Variants in ANO4 observed in about 807,000 individuals in gnomAD.
ANO4 encodes the protein anoctamin 4.
A neutral mutation model predicts 141.9 loss-of-function variants in ANO4; 69 were observed. The ratio of observed to expected loss-of-function variants is 0.49; its 90% CI spans 0.40 to 0.59. ANO4 has a LOEUF of 0.59. Ranked by LOEUF, ANO4 falls within the 20% of genes least tolerant of loss-of-function variation. ANO4 has a pLI of 0.00. For missense variants in ANO4, 894 were observed against 1,162.2 expected (o/e 0.77, Z 3.36); for synonymous variants, 350 against 394.3 (o/e 0.89, Z 1.33).
At chr12:100,912,361 C>T (rs7954389) in intron 2 of ANO4, among the ~76,000 whole-genome samples, 32,454 of 142,752 alleles carry the variant, frequency 0.23, 4,305 homozygotes, top group Middle Eastern at 0.41. Flanking sequence ...TGCCACTGCA[C>T]TCCAGCCCAG....
chr12:101,039,931 C>G (rs1273134457), intron 10 of ANO4, 24 bp from the exon 11 acceptor site: 2 of 1,603,572 alleles, frequency 1.2e-6, no homozygotes, highest in Non-Finnish European at 1.7e-6. Context: ...TACTACCTCA[C>G]TGGCAGTGGT....
chr12:100,729,359 T>TTAAAAA, intron 1 of ANO4, among the ~76,000 whole-genome samples: 1 of 5,598 alleles, frequency 1.8e-4, no homozygotes, highest in Non-Finnish European at 4.0e-4. Context: ...AAACTCTGTC[T>TTAAAAA]CAAAAAAAAA....
intron 9 of ANO4, among the ~76,000 whole-genome samples, chr12:101,024,718 G>A (rs2046665167): frequency 6.6e-6 from 1 of 152,118 alleles, no homozygotes; most frequent in African/African-American, 2.4e-5. Flanking sequence ...GAGACTCCAG[G>A]GAATCAAAGC....
intron 15 of ANO4, among the ~76,000 whole-genome samples, chr12:101,081,401 C>T (rs938259489): frequency 3.3e-5 from 5 of 152,112 alleles, no homozygotes; most frequent in African/African-American, 4.8e-5. Context: ...TTCTGGGGAA[C>T]GTATGTATCC....
intron 22 of ANO4, among the ~76,000 whole-genome samples, chr12:101,100,909 C>G (rs2050162441): frequency 6.6e-6 from 1 of 152,116 alleles, no homozygotes; most frequent in Admixed American, 6.5e-5. Context: ...CAAATGTAAC[C>G]AAATATATGT....
intron 21 of ANO4, among the ~76,000 whole-genome samples, chr12:101,098,843 T>C (rs7295262): frequency 0.51 from 77,321 of 151,992 alleles, 22,223 homozygotes; most frequent in African/African-American, 0.8. Context: ...TGATGTTCAT[T>C]CCTTTATTTG....
intron 3 of ANO4, among the ~76,000 whole-genome samples, chr12:100,756,420 G>A (rs2032614775): frequency 6.6e-6 from 1 of 152,080 alleles, no homozygotes; most frequent in African/African-American, 2.4e-5. Flanking sequence ...TATGATCTCG[G>A]CTCACTGCAA....
chr12:100,950,210 G>A (rs1284476036), intron 5 of ANO4, among the ~76,000 whole-genome samples: 1 of 151,932 alleles, frequency 6.6e-6, no homozygotes, highest in Non-Finnish European at 1.5e-5. Flanking sequence ...TGTCCTCTAG[G>A]GCTTTCTGGT....
rs2048704577 is a variant in ANO4 at position 101,068,954 on chromosome 12, G to A, written c.1313-10239G>A. The A allele has an allele frequency of 1.3e-5, 10 of 785,052 alleles. No individual in the cohort carries two copies. In the South Asian group the frequency reaches 1.3e-4, roughly 11 times the overall value. 48.6% of individuals were successfully genotyped at this position (785,052 alleles called of 1,614,324 possible). A position where few individuals can be genotyped will look rare whatever the true frequency, so the allele number is the denominator to read the frequency against. ...GCTGCTAAGGATCTCTTACACAGAT[G>A]CACCAAAGCCCTCATTGACTATGAA... On this transcript the variant is annotated intron_variant, in intron 14 of 27. Coordinates refer to ENST00000392977, the MANE Select transcript of ANO4 (RefSeq NM_001286615.2).
chr12:101,043,424 T>A, intron 12 of ANO4, 115 bp from the exon 13 acceptor site: 1 of 714,890 alleles, frequency 1.4e-6, no homozygotes, highest in Admixed American at 2.4e-5. Flanking sequence ...CTAAGATGCT[T>A]CTAAGGGCAA....
rs781593105 is a variant in ANO4 at position 101,096,643 on chromosome 12, G to A, written c.1846G>A (p.Gly616Arg). 8.7e-6 allele frequency: 14 copies of A among 1,612,228 alleles called. No homozygotes were observed. Among genetic ancestry groups the A allele is most frequent in the African/African-American group, 1.3e-5 (1 of 74,892 alleles). The part of the protein sequence containing the change: ...SSTFYIAFFL[G>R]RFTGHPGAYL... ...CACATTTTACATCGCATTCTTCCTCGGAAGGTAAGAACCTGACCCCTGCAC... is the reference window on the plus strand; with the variant it reads ...CACATTTTACATCGCATTCTTCCTCAGAAGGTAAGAACCTGACCCCTGCAC... The change falls in exon 19 of 28, where the codon GGA (glycine) becomes AGA (arginine). Residue 616 changes from glycine (G) to arginine (R), a missense_variant. Transcript: ENST00000392977.
At chr12:101,002,238 GCA>G (rs1427374666) in intron 8 of ANO4, among the ~76,000 whole-genome samples, 1 of 152,186 alleles carries the variant, frequency 6.6e-6, no homozygotes, top group Non-Finnish European at 1.5e-5. Context: ...CAGTACCTGT[GCA>G]CAGTTAGAAG....
At chr12:101,073,566 T>TATAATAATA (rs55723203) in intron 14 of ANO4, among the ~76,000 whole-genome samples, 13,966 of 143,492 alleles carry the variant, frequency 0.097, 743 homozygotes, top group African/African-American at 0.13. Context: ...GAACTTAAAG[T>TATAATAATA]ATAATAATAA....
chr12:100,724,312 G>A (rs966143621), intron 1 of ANO4, among the ~76,000 whole-genome samples: 1 of 152,300 alleles, frequency 6.6e-6, no homozygotes, highest in East Asian at 1.9e-4. Context: ...GAAAGCTTAC[G>A]GGAGGCTTTG....
intron 26 of ANO4, among the ~76,000 whole-genome samples, chr12:101,124,695 C>T (rs959342190): frequency 6.6e-6 from 1 of 152,146 alleles, no homozygotes; most frequent in Non-Finnish European, 1.5e-5. Context: ...TATGGCTAGC[C>T]AGTTCTCCCA....
chr12:101,081,135 C>T (rs2049261619), intron 15 of ANO4, among the ~76,000 whole-genome samples: 1 of 151,542 alleles, frequency 6.6e-6, no homozygotes, highest in African/African-American at 2.4e-5. Context: ...AGAAATTCCT[C>T]TTGTGTGGTG....
At chr12:100,947,164 G>T (rs984055868) in intron 5 of ANO4, among the ~76,000 whole-genome samples, 2 of 152,182 alleles carry the variant, frequency 1.3e-5, no homozygotes, top group Non-Finnish European at 2.9e-5. Context: ...ATGAAGTTTG[G>T]TCAATAAAGA....
intron 5 of ANO4, among the ~76,000 whole-genome samples, chr12:100,964,495 A>T (rs2043564581): frequency 6.6e-6 from 1 of 152,086 alleles, no homozygotes; most frequent in Admixed American, 6.6e-5. Flanking sequence ...GGCTTATCTG[A>T]GTTTCCAATT....
chr12:100,983,129 G>T (rs2044557087), intron 7 of ANO4, among the ~76,000 whole-genome samples: 1 of 152,206 alleles, frequency 6.6e-6, no homozygotes, highest in African/African-American at 2.4e-5. Flanking sequence ...GTTTGTGGAA[G>T]AGCAGACTAG....
Sources: allele counts gnomAD v4.1 joint callset (sites outside exome capture counted in the v4.1 genomes callset), GRCh38; gene constraint gnomAD v4.1.1; transcripts MANE v1.5; gene names NCBI Gene and HGNC (gene_info 2026-07-23, HGNC 2026-07-21).